The following ROR2 variants were observed in gnomAD, a reference collection of about 807,000 sequenced individuals.
ROR2 encodes the protein tyrosine-protein kinase transmembrane receptor ROR2.
Under a neutral mutation model 74.9 loss-of-function variants are expected in ROR2, and 33 were observed. That is an observed-to-expected ratio of 0.44 (90% CI 0.33 to 0.59). The LOEUF is 0.59. ROR2 is among the 20% of genes least tolerant of loss of function. The pLI is 0.02. For missense variants in ROR2, 1,216 were observed against 1,313.8 expected, an observed-to-expected ratio of 0.93 and a Z score of 1.15; for synonymous variants, 586 against 558.7, an observed-to-expected ratio of 1.05 and a Z score of -0.69.
chr9:91,903,436 G>A (rs1021426193), intron 1 of ROR2, among the ~76,000 whole-genome samples: 2 of 151,866 alleles, frequency 1.3e-5, no homozygotes, highest in South Asian at 2.1e-4. Flanking sequence ...TGAGGCTGCT[G>A]GAGTGGTCTG....
Position 91,731,135 on chromosome 9 carries a change from A to G in ROR2, c.958T>C (p.Ser320Pro). ...GCCGTTCCTCTGTAATCCATGCCTGAGCCGTTATAGCACTGATGGTCTGAA... is the reference window on the plus strand; with the variant it reads ...GCCGTTCCTCTGTAATCCATGCCTGGGCCGTTATAGCACTGATGGTCTGAA... ...LGRYHQCYNG[S>P]GMDYRGTAST... The change falls in exon 7 of 9, where the codon TCA becomes CCA. Residue 320 changes from serine (S) to proline (P), a missense_variant. By Grantham distance (74) the Ser-to-Pro change is moderately conservative (BLOSUM62 -1). Coordinates refer to ENST00000375708, the MANE Select transcript of ROR2 (RefSeq NM_004560.4). The G allele has an allele frequency of 6.2e-7, 1 of 1,614,072 alleles. No individual in the cohort carries two copies. Among genetic ancestry groups the G allele is most frequent in the South Asian group, 1.1e-5 (1 of 91,074 alleles).
chr9:91,851,148 C>G (rs538129693), intron 1 of ROR2, among the ~76,000 whole-genome samples: 1 of 152,072 alleles, frequency 6.6e-6, no homozygotes, highest in African/African-American at 2.4e-5. Flanking sequence ...GTCAGGAGAT[C>G]GAGACCATCC....
chr9:91,917,522 T>C (rs554222905), intron 1 of ROR2, among the ~76,000 whole-genome samples: 1 of 152,256 alleles, frequency 6.6e-6, no homozygotes, highest in Admixed American at 6.5e-5. Flanking sequence ...TTTAAGAGCA[T>C]CATCTGTGCT....
chr9:91,815,546 A>G (rs7041224), intron 1 of ROR2, among the ~76,000 whole-genome samples: 17,262 of 152,272 alleles, frequency 0.11, 2,599 homozygotes, highest in African/African-American at 0.34. Context: ...TGACAGGCAT[A>G]TAGTGAGTTA....
chr9:91,764,558 T>TCACACACACA (rs1826004375), intron 2 of ROR2, among the ~76,000 whole-genome samples: 1 of 115,790 alleles, frequency 8.6e-6, no homozygotes. Flanking sequence ...CTATAATCAC[T>TCACACACACA]TACACACACA....
chr9:91,947,626 G>A (rs943247874), intron 1 of ROR2, among the ~76,000 whole-genome samples: 4 of 152,124 alleles, frequency 2.6e-5, no homozygotes, highest in African/African-American at 9.7e-5. Context: ...TGGGGGCTGG[G>A]GGGACCCTAA....
chr9:91,800,105 G>A (rs1275744268), intron 1 of ROR2, among the ~76,000 whole-genome samples: 2 of 152,216 alleles, frequency 1.3e-5, no homozygotes, highest in Non-Finnish European at 2.9e-5. Flanking sequence ...ACTTTGGGAG[G>A]CTGAAGTGGG....
intron 1 of ROR2, among the ~76,000 whole-genome samples, chr9:91,890,533 G>GT (rs1212187944): frequency 6.6e-6 from 1 of 152,170 alleles, no homozygotes; most frequent in African/African-American, 2.4e-5. Context: ...GTGTTTTATA[G>GT]TTTTTGGTTC....
chr9:91,855,706 G>A (rs1829259369), intron 1 of ROR2, among the ~76,000 whole-genome samples: 1 of 152,156 alleles, frequency 6.6e-6, no homozygotes, highest in Non-Finnish European at 1.5e-5. Flanking sequence ...TGACATGGTG[G>A]CATGGATGAG....
chr9:91,941,694 T>C (rs1049062561), intron 1 of ROR2, among the ~76,000 whole-genome samples: 1 of 152,140 alleles, frequency 6.6e-6, no homozygotes, highest in Non-Finnish European at 1.5e-5. Context: ...TGTGGTGTAT[T>C]GTATTGTACT....
intron 1 of ROR2, among the ~76,000 whole-genome samples, chr9:91,898,967 T>A (rs61008826): frequency 1.8e-3 from 269 of 152,322 alleles, no homozygotes; most frequent in African/African-American, 5.9e-3. Context: ...TTCTTGGTCT[T>A]CACTCTGATA....
At chr9:91,773,477 G>GC (rs1486149097) in intron 2 of ROR2, among the ~76,000 whole-genome samples, 2 of 152,196 alleles carry the variant, frequency 1.3e-5, no homozygotes, top group Admixed American at 6.5e-5. Context: ...GCTGTGCAGG[G>GC]CGTAGCCCAG....
chr9:91,915,773 A>G (rs528647666), intron 1 of ROR2, among the ~76,000 whole-genome samples: 122 of 152,210 alleles, frequency 8.0e-4, no homozygotes, highest in Non-Finnish European at 1.4e-3. Flanking sequence ...TTTACTGAGC[A>G]GTCATTGGCA....
chr9:91,891,875 C>G (rs1404089249), intron 1 of ROR2, among the ~76,000 whole-genome samples: 1 of 152,004 alleles, frequency 6.6e-6, no homozygotes, highest in Admixed American at 6.5e-5. Flanking sequence ...TGGTGAAAAC[C>G]TATCTCTACT....
chr9:91,910,252 G>A (rs1024064350), intron 1 of ROR2, among the ~76,000 whole-genome samples: 1 of 152,170 alleles, frequency 6.6e-6, no homozygotes, highest in Admixed American at 6.5e-5. Flanking sequence ...GGCAATTCCA[G>A]ACATTTCAGA....
chr9:91,864,878 C>T (rs1341549282), intron 1 of ROR2, among the ~76,000 whole-genome samples: 1 of 152,218 alleles, frequency 6.6e-6, no homozygotes, highest in African/African-American at 2.4e-5. Flanking sequence ...CACCCCTTTA[C>T]ATCTTCCTTC....
intron 1 of ROR2, among the ~76,000 whole-genome samples, chr9:91,862,237 A>G (rs1442199306): frequency 6.6e-6 from 1 of 151,858 alleles, no homozygotes; most frequent in East Asian, 1.9e-4. Flanking sequence ...GGCTGAGGCA[A>G]GAGAATGGTG....
At chr9:91,942,803 G>A (rs1006313809) in intron 1 of ROR2, among the ~76,000 whole-genome samples, 2 of 152,146 alleles carry the variant, frequency 1.3e-5, no homozygotes, top group Admixed American at 6.5e-5. Context: ...AGGGCACCAT[G>A]AGCCACCAGG....
At chr9:91,935,845 GC>G (rs1831668573) in intron 1 of ROR2, among the ~76,000 whole-genome samples, 1 of 152,242 alleles carries the variant, frequency 6.6e-6, no homozygotes, top group African/African-American at 2.4e-5. Flanking sequence ...CAGATGGGCA[GC>G]CTAGCAATGA....
Sources: gnomAD v4.1 joint callset for allele counts (sites outside exome capture counted in the v4.1 genomes callset) on GRCh38, gnomAD v4.1.1 for gene constraint, MANE v1.5 for transcripts, NCBI Gene and HGNC (gene_info 2026-07-23, HGNC 2026-07-21) for gene names.